FGF14: variants seen among roughly 807,000 people sequenced by gnomAD.
FGF14 encodes fibroblast growth factor 14.
Under a neutral mutation model 25.5 loss-of-function variants are expected in FGF14, and 5 were observed. The ratio of observed to expected loss-of-function variants is 0.20; its 90% CI spans 0.10 to 0.41. The LOEUF (loss-of-function observed/expected upper bound fraction) is 0.41, where lower values mean the gene tolerates loss of function less well. FGF14 is among the 10% of genes least tolerant of loss of function. The probability of loss-of-function intolerance (pLI) is 1.00; values close to 1 mark genes in which losing one functional copy is unlikely to be tolerated. For synonymous variants in FGF14, 138 were observed against 118.3 expected, an observed-to-expected ratio of 1.17 and a Z score of -1.08; for missense variants, 222 against 320.1, an observed-to-expected ratio of 0.69 and a Z score of 2.34.
intron 1 of FGF14, among the ~76,000 whole-genome samples, chr13:102,205,319 G>A (rs2140898065): frequency 6.6e-6 from 1 of 152,076 alleles, no homozygotes; most frequent in East Asian, 1.9e-4. Flanking sequence ...ATGAGATGAT[G>A]CACATGGAAT....
At position 102,228,227 on chromosome 13, in the gene FGF14, T is replaced by C. The variant is rs187427834; in HGVS notation, c.208+173244A>G. Among the ~76,000 whole-genome samples the C allele has an allele frequency of 5.6e-3, 857 of 152,306 alleles. 4 individuals carry two copies. The highest frequency in any genetic ancestry group is 8.8e-3 in the Non-Finnish European group (601 of 68,022). The stretch of plus-strand genomic sequence containing the variant: ...ATCCTCAGGTATGTTGGACAGTTTT[T>C]CTTCTCCACCAACACAAAATGTAGT... On this transcript the variant is annotated intron_variant, in intron 1 of 4. Transcript: ENST00000376131.
At chr13:102,033,301 T>G (rs1261993615) in intron 1 of FGF14, among the ~76,000 whole-genome samples, 1 of 151,780 alleles carries the variant, frequency 6.6e-6, no homozygotes, top group African/African-American at 2.4e-5. Context: ...TAAAGTAAAA[T>G]AAAATAACAA....
chr13:102,355,112 C>G (rs1182839399), intron 1 of FGF14, among the ~76,000 whole-genome samples: 1 of 152,140 alleles, frequency 6.6e-6, no homozygotes, highest in Non-Finnish European at 1.5e-5. Context: ...CTACCTATTA[C>G]TTAAAAGGTA....
Position 101,715,905 on chromosome 13 carries a change from C to T in FGF14, c.*6926G>A, listed in dbSNP as rs2034700734. On this transcript the variant is annotated 3_prime_UTR_variant, in exon 5 of 5. Transcript: ENST00000376143. ...TGGTTCCTAACGAGAGCAATTTTTC[C>T]ACCCAAAAGTCATTTGGCAACATCT... 2 of 393,866 alleles carry T rather than the reference C, an allele frequency of 5.1e-6. No individual in the cohort carries two copies. Among genetic ancestry groups the T allele is most frequent in the South Asian group, 2.9e-5 (1 of 34,872 alleles). The allele number at this position is 393,866 out of a possible 1,614,324, so 24.4% of individuals were successfully genotyped here.
intron 3 of FGF14, among the ~76,000 whole-genome samples, chr13:101,865,233 C>T (rs776330037): frequency 3.9e-5 from 6 of 152,064 alleles, no homozygotes; most frequent in Non-Finnish European, 7.4e-5. Flanking sequence ...TAGCTTTCTA[C>T]GGAAGATTTT....
chr13:102,076,661 CAAAT>C (rs1566654690), intron 1 of FGF14, among the ~76,000 whole-genome samples: 1 of 151,994 alleles, frequency 6.6e-6, no homozygotes, highest in South Asian at 2.1e-4. Flanking sequence ...ATTGAAGACA[CAAAT>C]AAATCCATGA....
chr13:102,072,401 G>A (rs1371794496), intron 1 of FGF14, among the ~76,000 whole-genome samples: 1 of 152,124 alleles, frequency 6.6e-6, no homozygotes, highest in African/African-American at 2.4e-5. Context: ...GGAGGGCAAA[G>A]TATCACTCTC....
At chr13:102,293,983 G>A (rs886071372) in intron 1 of FGF14, 2 of 152,068 alleles carry the variant, frequency 1.3e-5, no homozygotes, top group African/African-American at 4.8e-5. Context: ...CCTGTCATAG[G>A]TACAGCGATA....
intron 3 of FGF14, among the ~76,000 whole-genome samples, chr13:101,748,747 TA>T (rs55785965): frequency 0.18 from 13,006 of 71,000 alleles, 720 homozygotes; most frequent in East Asian, 0.28. Flanking sequence ...TGGAGGTTTC[TA>T]AAAAAAAAAA....
chr13:102,370,422 T>C (rs2057844173), intron 1 of FGF14, among the ~76,000 whole-genome samples: 1 of 152,142 alleles, frequency 6.6e-6, no homozygotes, highest in Admixed American at 6.5e-5. Context: ...ACATGTGATG[T>C]TTTGATACAA....
chr13:101,737,880 A>G (rs952189898), intron 3 of FGF14, among the ~76,000 whole-genome samples: 24 of 152,170 alleles, frequency 1.6e-4, no homozygotes, highest in African/African-American at 4.6e-4. Context: ...CCTAATAAGA[A>G]TGTACCCCAT....
chr13:102,205,564 A>C (rs977443409), intron 1 of FGF14, among the ~76,000 whole-genome samples: 4 of 152,024 alleles, frequency 2.6e-5, no homozygotes, highest in Non-Finnish European at 5.9e-5. Context: ...CAAGGGTCAG[A>C]GGGGGAGGAA....
intron 1 of FGF14, among the ~76,000 whole-genome samples, chr13:101,991,506 G>A (rs566578350): frequency 2.0e-5 from 3 of 152,196 alleles, no homozygotes; most frequent in African/African-American, 4.8e-5. Context: ...CTAGTCTGAC[G>A]TGCAAAGGTT....
intron 1 of FGF14, among the ~76,000 whole-genome samples, chr13:102,065,342 A>C (rs1041509606): frequency 2.0e-5 from 3 of 152,130 alleles, no homozygotes; most frequent in East Asian, 1.9e-4. Flanking sequence ...AATGGAGCCC[A>C]ATACACTTGG....
At chr13:101,846,849 T>C (rs1464735686) in intron 3 of FGF14, among the ~76,000 whole-genome samples, 2 of 152,032 alleles carry the variant, frequency 1.3e-5, no homozygotes, top group Admixed American at 6.6e-5. Flanking sequence ...AAAAGAATTA[T>C]GTGGGAAGAC....
At chr13:102,271,270 G>A (rs1432779573) in intron 1 of FGF14, among the ~76,000 whole-genome samples, 1 of 152,054 alleles carries the variant, frequency 6.6e-6, no homozygotes, top group Non-Finnish European at 1.5e-5. Context: ...TCTCATATTG[G>A]TTTGCCAGTT....
At chr13:102,329,886 A>C (rs539809539) in intron 1 of FGF14, among the ~76,000 whole-genome samples, 9 of 152,098 alleles carry the variant, frequency 5.9e-5, no homozygotes, top group Non-Finnish European at 1.3e-4. Flanking sequence ...CATAATTATT[A>C]GCTCTTTATT....
At chr13:101,986,960 ACAC>A (rs959299985) in intron 1 of FGF14, among the ~76,000 whole-genome samples, 22 of 151,796 alleles carry the variant, frequency 1.4e-4, no homozygotes, top group Non-Finnish European at 2.8e-4. Flanking sequence ...ACACACACAC[ACAC>A]ACCAGTCTGT....
At chr13:102,068,971 A>G (rs1219259243) in intron 1 of FGF14, among the ~76,000 whole-genome samples, 1 of 152,234 alleles carries the variant, frequency 6.6e-6, no homozygotes, top group African/African-American at 2.4e-5. Flanking sequence ...CTTTATGTCT[A>G]GCTCGGGATT....
Sources: allele counts gnomAD v4.1 joint callset (sites outside exome capture counted in the v4.1 genomes callset), GRCh38; gene constraint gnomAD v4.1.1; transcripts MANE v1.5; gene names NCBI Gene and HGNC (gene_info 2026-07-23, HGNC 2026-07-21).